TTC7A: variants seen among roughly 807,000 people sequenced by gnomAD.
The protein encoded by TTC7A is tetratricopeptide repeat domain 7A, also known as tetratricopeptide repeat protein 7A.
TTC7A carries 110 observed loss-of-function variants against 103.7 expected under a neutral mutation model. The observed-to-expected ratio is 1.06, with a 90% CI of 0.91 to 1.24. The LOEUF (loss-of-function observed/expected upper bound fraction) is 1.24, where lower values mean the gene tolerates loss of function less well. Among genes scored for constraint, TTC7A ranks in the 50% most tolerant of loss-of-function variants. TTC7A has a pLI of 0.00. For missense variants in TTC7A, 1,340 were observed against 1,116.3 expected (o/e 1.20, Z -2.86); for synonymous variants, 521 against 467.9 (o/e 1.11, Z -1.47).
At chr2:47,070,796 C>T (rs964575329) in intron 19 of TTC7A, among the ~76,000 whole-genome samples, 1 of 152,150 alleles carries the variant, frequency 6.6e-6, no homozygotes, top group Non-Finnish European at 1.5e-5. Flanking sequence ...TGGCTATAAC[C>T]AGCCCAAAGC....
intron 8 of TTC7A, among the ~76,000 whole-genome samples, chr2:47,003,631 C>T (rs1677069442): frequency 6.6e-6 from 1 of 152,222 alleles, no homozygotes; most frequent in Non-Finnish European, 1.5e-5. Flanking sequence ...ATGTGCCCAG[C>T]CAAGCTTCTT....
At chr2:47,064,019 C>G (rs1683994736) in intron 19 of TTC7A, among the ~76,000 whole-genome samples, 1 of 152,242 alleles carries the variant, frequency 6.6e-6, no homozygotes, top group African/African-American at 2.4e-5. Flanking sequence ...TCTCTACTCT[C>G]CCTGTCCCCC....
rs1199459098 is a variant in TTC7A, at chr2:47,007,426, T to C, written c.1287+702T>C. ...TTTCTGGAGCTGAGTTCTGAGGGTG[T>C]TGGGGCTGAGGATGCTATGAATGCA... is the stretch of plus-strand genomic sequence containing the variant. On this transcript the variant is annotated intron_variant, in intron 10 of 19. Transcript: ENST00000319190. This position sits in a 1 kb window ranked among gnomAD's most constrained non-coding sequence, Gnocchi z 4.9. Among the ~76,000 whole-genome samples, 2 of 152,212 alleles carry C rather than the reference T, an allele frequency of 1.3e-5. No homozygotes were observed. Among genetic ancestry groups the C allele is most frequent in the Non-Finnish European group, 2.9e-5 (2 of 68,022 alleles).
chr2:47,014,263 C>G (rs1346066595), intron 11 of TTC7A, among the ~76,000 whole-genome samples: 1 of 152,176 alleles, frequency 6.6e-6, no homozygotes, highest in Non-Finnish European at 1.5e-5. Context: ...AGGTGCTATA[C>G]TAGTAACTGA....
chr2:46,999,889 G>C (rs1193730179), intron 8 of TTC7A: 16 of 985,340 alleles, frequency 1.6e-5, no homozygotes, highest in Non-Finnish European at 1.9e-5. Flanking sequence ...GAGTGGGGTG[G>C]ATAGGTAAGT....
In TTC7A at chr2:47,061,017, C is replaced by G. The variant is rs887732182; in HGVS notation, c.2355+46C>G. 9 of 1,528,302 alleles carry G rather than the reference C, an allele frequency of 5.9e-6. No individual in the cohort carries two copies. The Middle Eastern group carries it at 6.7e-4, about 114-fold the overall frequency. 94.7% of individuals were successfully genotyped at this position (1,528,302 alleles called of 1,614,324 possible). A position where few individuals can be genotyped will look rare whatever the true frequency, so the allele number is the denominator to read the frequency against. On this transcript the variant is annotated intron_variant, in intron 19 of 19. Coordinates refer to ENST00000319190, the MANE Select transcript of TTC7A (RefSeq NM_020458.4). ...CTCCCACCACCTCCTCCCACAGCCT[C>G]AGGGCCCTTATCCCGCTTTGTCCCT...
At chr2:47,023,534 A>C in intron 13 of TTC7A, 69 bp downstream of exon 13, 1 of 1,498,610 alleles carries the variant, frequency 6.7e-7, no homozygotes, top group Non-Finnish European at 9.3e-7. Flanking sequence ...GCTTTACGTC[A>C]TCAGACCCTC....
chr2:47,016,384 G>A (rs13427974), intron 11 of TTC7A, among the ~76,000 whole-genome samples: 3 of 152,202 alleles, frequency 2.0e-5, no homozygotes, highest in Non-Finnish European at 4.4e-5. Context: ...TGGATAGGTC[G>A]CTTCAGCTCA....
chr2:47,038,652 A>AC (rs528712679), intron 15 of TTC7A, among the ~76,000 whole-genome samples: 201 of 40,954 alleles, frequency 4.9e-3, no homozygotes, highest in Middle Eastern at 0.014. Context: ...CCCCCCACCC[A>AC]CCCCCCCGAC....
chr2:46,964,401 T>C (rs1013960259), intron 3 of TTC7A, among the ~76,000 whole-genome samples: 3 of 152,032 alleles, frequency 2.0e-5, no homozygotes, highest in Non-Finnish European at 4.4e-5. Context: ...GTGGGCCCCA[T>C]GAGAGGGCCC....
intron 2 of TTC7A, among the ~76,000 whole-genome samples, chr2:46,923,120 G>T (rs1669192443): frequency 6.6e-6 from 1 of 152,248 alleles, no homozygotes; most frequent in African/African-American, 2.4e-5. Flanking sequence ...GCCTGTGGAT[G>T]TCTTCTCATT....
At chr2:46,980,490 G>A (rs1674334108) in intron 5 of TTC7A, among the ~76,000 whole-genome samples, 1 of 152,184 alleles carries the variant, frequency 6.6e-6, no homozygotes, top group South Asian at 2.1e-4. Context: ...GGGATTACAG[G>A]CGTGAGCCAC....
intron 2 of TTC7A, among the ~76,000 whole-genome samples, chr2:46,925,773 G>A (rs548015771): frequency 1.3e-5 from 2 of 152,218 alleles, no homozygotes; most frequent in Admixed American, 6.5e-5. Flanking sequence ...GTTAACCCCC[G>A]TTGAAAGGGA....
At chr2:47,071,875 A>T (rs1386906695) in intron 19 of TTC7A, among the ~76,000 whole-genome samples, 1 of 152,222 alleles carries the variant, frequency 6.6e-6, no homozygotes, top group Non-Finnish European at 1.5e-5. Flanking sequence ...TGGAAGCTCA[A>T]TATAGAAAAC....
rs66907808 is a variant in TTC7A, at chr2:47,053,543, T to TTTGTTTGTTTGGTTGGTTGG, written c.2152+1666_2152+1667insTTTGTTTGGTTGGTTGGTTG. Among the ~76,000 whole-genome samples the TTTGTTTGTTTGGTTGGTTGG allele has an allele frequency of 4.1e-3, 569 of 140,228 alleles. 11 individuals are homozygous for TTTGTTTGTTTGGTTGGTTGG. The highest frequency in any genetic ancestry group is 3.2e-3 in the East Asian group (15 of 4,694). The allele number at this position is 140,228 out of a possible 152,430, so 92.0% of individuals were successfully genotyped here. ...TTTGGTGGGTTTTTTTGTTTGTTTG[T>TTTGTTTGTTTGGTTGGTTGG]TTGGTTGGTTGGTTGGTTGGTTGGT... On this transcript the variant is annotated intron_variant, in intron 18 of 19. Transcript: ENST00000319190.
chr2:46,973,332 A>G (rs1306960786), intron 3 of TTC7A, among the ~76,000 whole-genome samples: 1 of 152,160 alleles, frequency 6.6e-6, no homozygotes, highest in Non-Finnish European at 1.5e-5. Flanking sequence ...GGCATGAGAG[A>G]GAGAATGGAA....
intron 8 of TTC7A, 150 bp from the exon 9 acceptor site, chr2:47,005,772 A>G (rs999995691): frequency 3.0e-5 from 24 of 811,654 alleles, no homozygotes; most frequent in Non-Finnish European, 4.5e-5. Context: ...AGATAGGAAA[A>G]GGCCATTTCT....
intron 3 of TTC7A, among the ~76,000 whole-genome samples, chr2:46,959,249 C>T (rs531706981): frequency 2.9e-4 from 44 of 152,328 alleles, no homozygotes; most frequent in African/African-American, 9.6e-4. Flanking sequence ...TGTATTTGAA[C>T]TGGAGTCCTC....
chr2:46,927,360 T>TG (rs1303362366), intron 2 of TTC7A, among the ~76,000 whole-genome samples: 3 of 150,096 alleles, frequency 2.0e-5, no homozygotes, highest in Admixed American at 1.3e-4. Context: ...AAAAGATTTT[T>TG]TTTTTTTTTT....
Sources: gnomAD v4.1 joint callset for allele counts (sites outside exome capture counted in the v4.1 genomes callset) on GRCh38, gnomAD v4.1.1 for gene constraint, Gnocchi (gnomAD v3.1) non-coding constraint, MANE v1.5 for transcripts, NCBI Gene and HGNC (gene_info 2026-07-23, HGNC 2026-07-21) for gene names.